The following BOC variants were observed in gnomAD, a reference collection of about 807,000 sequenced individuals.
BOC encodes brother of CDO.
A neutral mutation model predicts 112.0 loss-of-function variants in BOC; 76 were observed. The ratio of observed to expected loss-of-function variants is 0.68; its 90% CI spans 0.56 to 0.82. BOC has a LOEUF of 0.82. Ranked by LOEUF, BOC falls within the 40% of genes least tolerant of loss-of-function variation. The pLI, the probability that BOC is intolerant of heterozygous loss-of-function variation, is 0.00. For missense variants in BOC, 1,309 were observed against 1,511.7 expected (o/e 0.87, Z 2.22); for synonymous variants, 580 against 599.8 (o/e 0.97, Z 0.48).
intron 2 of BOC, among the ~76,000 whole-genome samples, chr3:113,236,876 C>A (rs1259469680): frequency 1.3e-5 from 2 of 152,172 alleles, no homozygotes; most frequent in Non-Finnish European, 2.9e-5. Flanking sequence ...TTGGTATATG[C>A]CAGGTTGCTT....
chr3:113,225,271 C>CAA (rs369675040), intron 2 of BOC, among the ~76,000 whole-genome samples: 1 of 120,216 alleles, frequency 8.3e-6, no homozygotes, highest in Non-Finnish European at 1.8e-5. Flanking sequence ...AAGACCTTGT[C>CAA]AAAAAAAAAA....
At position 113,278,987 on chromosome 3, in the gene BOC, A is replaced by T; in HGVS notation, c.1816+204A>T. ...CTGGGATTGCTCACTGGGTGCATCC[A>T]GAGAGCAGCAGAGGCCAGAGCTGTG... On this transcript the variant is annotated intron_variant, in intron 11 of 19. Transcript: ENST00000682979. This position sits in a 1 kb window ranked among gnomAD's most constrained non-coding sequence, Gnocchi z 4.2. 1.6e-6 allele frequency: 1 copy of T among 634,802 alleles called. No individual in the cohort carries two copies. The highest frequency in any genetic ancestry group is 2.0e-5 in the South Asian group (1 of 51,108). The allele number at this position is 634,802 out of a possible 1,614,324, so 39.3% of individuals were successfully genotyped here. A position where few individuals can be genotyped will look rare whatever the true frequency, so the allele number is the denominator to read the frequency against.
rs116085258 is a variant in BOC at position 113,243,514 on chromosome 3, G to T, written c.-81-6208G>T. ...CTACTCTTTTTAACATTTTAGTTCT[G>T]CAGTGCATGTGTTTGATTTATAAGT... On this transcript the variant is annotated intron_variant, in intron 2 of 19. Coordinates refer to ENST00000682979, the MANE Select transcript of BOC (RefSeq NM_001378074.1). Among the ~76,000 whole-genome samples, 834 of 152,272 alleles carry T rather than the reference G, an allele frequency of 5.5e-3. 3 individuals are homozygous for T. Among genetic ancestry groups the T allele is most frequent in the African/African-American group, 0.018 (761 of 41,550 alleles).
At chr3:113,221,641 C>G (rs1940679728) in intron 2 of BOC, among the ~76,000 whole-genome samples, 1 of 152,208 alleles carries the variant, frequency 6.6e-6, no homozygotes, top group Non-Finnish European at 1.5e-5. Flanking sequence ...ACCGCCCTGT[C>G]TTCTATCAAC....
In BOC at chr3:113,274,605, T is replaced by C; in HGVS notation, c.1465T>C (p.Tyr489His). The change falls in exon 9 of 20, where the codon TAT (tyrosine) becomes CAT (histidine). Residue 489 changes from tyrosine to histidine, a missense_variant. By Grantham distance (83) the Tyr-to-His change is moderately conservative. Coordinates refer to ENST00000682979, the MANE Select transcript of BOC (RefSeq NM_001378074.1). The surrounding 1 kb of genome is among the most constrained non-coding windows in gnomAD (Gnocchi z 4.8). ...SSPRTSKTDSYELVWRPRHEG... is the reference protein window; with the variant it reads ...SSPRTSKTDSHELVWRPRHEG... ...GCCCCGCACCTCCAAGACAGACTCA[T>C]ATGAACTGGTGTGGCGGCCTCGGCA... 1 of 1,613,550 alleles carries C rather than the reference T, an allele frequency of 6.2e-7. No homozygotes were observed. Among genetic ancestry groups the C allele is most frequent in the Non-Finnish European group, 8.5e-7 (1 of 1,179,862 alleles).
At chr3:113,215,556 A>G (rs2107566235) in intron 1 of BOC, among the ~76,000 whole-genome samples, 1 of 152,184 alleles carries the variant, frequency 6.6e-6, no homozygotes, top group African/African-American at 2.4e-5. Context: ...CATTCCTGCC[A>G]CCACCAGACT....
In BOC at chr3:113,249,719, C is replaced by T; in HGVS notation, c.-81-3C>T. ...ATTGCTCTCCCTTTCTCTCTTACAACAGAGTGTTGCCAGGGACGGCAGTAT... is the reference window on the plus strand; with the variant it reads ...ATTGCTCTCCCTTTCTCTCTTACAATAGAGTGTTGCCAGGGACGGCAGTAT... On this transcript the variant is annotated splice_polypyrimidine_tract_variant and splice_region_variant and intron_variant, in intron 2 of 19. Coordinates refer to ENST00000682979, the MANE Select transcript of BOC (RefSeq NM_001378074.1). 8.6e-7 allele frequency: 1 copy of T among 1,159,366 alleles called. No individual in the cohort carries two copies. The highest frequency in any genetic ancestry group is 1.2e-6 in the Non-Finnish European group (1 of 807,938). The allele number at this position is 1,159,366 out of a possible 1,614,324, so 71.8% of individuals were successfully genotyped here.
In BOC at chr3:113,278,463, C is replaced by T. The variant is rs1296600698; in HGVS notation, c.1705+206C>T. Reference sequence around the variant, plus strand: ...AGTAGCCAGCCGGCCTCTCTGGCACCCCTTCATCCCTCTCTCACACAGGGG... The same window carrying T: ...AGTAGCCAGCCGGCCTCTCTGGCACTCCTTCATCCCTCTCTCACACAGGGG... On this transcript the variant is annotated intron_variant, in intron 10 of 19. Transcript: ENST00000682979. The surrounding 1 kb of genome is among the most constrained non-coding windows in gnomAD (Gnocchi z 4.2). Among the ~76,000 whole-genome samples, 2 of 151,992 alleles carry T rather than the reference C, an allele frequency of 1.3e-5. No individual in the cohort carries two copies. Among genetic ancestry groups the T allele is most frequent in the Non-Finnish European group, 2.9e-5 (2 of 67,994 alleles).
At chr3:113,227,757 A>C (rs2107672856) in intron 2 of BOC, among the ~76,000 whole-genome samples, 1 of 152,336 alleles carries the variant, frequency 6.6e-6, no homozygotes, top group African/African-American at 2.4e-5. Context: ...ATTAAAAAAA[A>C]AACTTTACCC....
intron 4 of BOC, 158 bp downstream of exon 4, chr3:113,250,991 C>G (rs540606638): frequency 3.2e-6 from 3 of 926,670 alleles, no homozygotes; most frequent in Non-Finnish European, 4.8e-6. Flanking sequence ...CTAGTAATGC[C>G]CAGTGATGGG....
intron 4 of BOC, among the ~76,000 whole-genome samples, chr3:113,266,744 G>A (rs1048977359): frequency 3.3e-5 from 5 of 152,144 alleles, no homozygotes; most frequent in Admixed American, 1.3e-4. Flanking sequence ...AACAAAACTC[G>A]GTCCACGCCC....
intron 4 of BOC, among the ~76,000 whole-genome samples, chr3:113,257,561 T>TC (rs1372073350): frequency 1.3e-5 from 2 of 152,290 alleles, no homozygotes; most frequent in East Asian, 3.9e-4. Flanking sequence ...CTTGATTTTT[T>TC]CTCAAGATTT....
chr3:113,265,410 T>C (rs1357966573), intron 4 of BOC, among the ~76,000 whole-genome samples: 18 of 150,882 alleles, frequency 1.2e-4, no homozygotes, highest in Non-Finnish European at 4.4e-5. Context: ...TATTCGACCA[T>C]GGAGGAGAGT....
At chr3:113,239,834 TA>T (rs1944057411) in intron 2 of BOC, among the ~76,000 whole-genome samples, 1 of 152,144 alleles carries the variant, frequency 6.6e-6, no homozygotes, top group South Asian at 2.1e-4. Context: ...CTCTCCTCTG[TA>T]AACCATGAAA....
chr3:113,224,638 A>G (rs1250411672), intron 2 of BOC, among the ~76,000 whole-genome samples: 1 of 152,196 alleles, frequency 6.6e-6, no homozygotes, highest in African/African-American at 2.4e-5. Context: ...AAAGGTAGAC[A>G]GGGTTCCAAC....
At chr3:113,272,303 T>G in intron 6 of BOC, 107 bp from the exon 7 acceptor site, 1 of 1,246,788 alleles carries the variant, frequency 8.0e-7, no homozygotes, top group South Asian at 1.4e-5. Context: ...AGACCCGGAA[T>G]GGCTGTTTGA....
At chr3:113,271,974 GT>G (rs371088537) in intron 6 of BOC, 55 of 199,940 alleles carry the variant, frequency 2.8e-4, no homozygotes, top group African/African-American at 1.2e-3. Flanking sequence ...CTGAGAGACA[GT>G]TGGGCCTGAG....
At chr3:113,239,640 C>T (rs867552824) in intron 2 of BOC, among the ~76,000 whole-genome samples, 13 of 152,208 alleles carry the variant, frequency 8.5e-5, no homozygotes, top group Non-Finnish European at 1.5e-4. Flanking sequence ...GCCCACATGG[C>T]GGGCTTGTCA....
At chr3:113,283,337 A>AT (rs5851891) in intron 15 of BOC, 74 bp from the exon 16 acceptor site, 367,522 of 1,390,830 alleles carry the variant, frequency 0.26, 45,118 homozygotes, top group African/African-American at 0.53. Context: ...GAATGGGGGT[A>AT]TTTTTTTTTC....
Sources: allele counts gnomAD v4.1 joint callset (sites outside exome capture counted in the v4.1 genomes callset), GRCh38; gene constraint gnomAD v4.1.1; non-coding constraint Gnocchi (gnomAD v3.1); transcripts MANE v1.5; gene names NCBI Gene and HGNC (gene_info 2026-07-23, HGNC 2026-07-21).